Variants in MAGI1 observed in about 807,000 individuals in gnomAD.
MAGI1 encodes the protein membrane-associated guanylate kinase, WW and PDZ domain-containing protein 1.
In MAGI1, 58 loss-of-function variants were observed where a neutral mutation model predicts 139.9. That is an observed-to-expected ratio of 0.41 (90% CI 0.34 to 0.52). The LOEUF (loss-of-function observed/expected upper bound fraction) is 0.52. Ranked by LOEUF, MAGI1 falls within the 20% of genes least tolerant of loss-of-function variation. MAGI1 has a pLI of 0.12. For synonymous variants in MAGI1, 812 were observed against 737.9 expected, an observed-to-expected ratio of 1.10 and a Z score of -1.63; for missense variants, 1,874 against 1,901.6, an observed-to-expected ratio of 0.99 and a Z score of 0.27.
intron 18 of MAGI1, 186 bp from the exon 19 acceptor site, chr3:65,365,132 G>A (rs550398086): frequency 4.0e-6 from 3 of 752,352 alleles, no homozygotes; most frequent in Non-Finnish European, 7.3e-6. Context: ...TCTCTGATGT[G>A]GGTCATGTAT....
chr3:65,357,180 G>A, intron 22 of MAGI1, 48 bp from the exon 23 acceptor site: 1 of 1,551,126 alleles, frequency 6.4e-7, no homozygotes, highest in East Asian at 2.3e-5. Flanking sequence ...AAGGTCCCTC[G>A]GCTCCTGTCC....
intron 1 of MAGI1, among the ~76,000 whole-genome samples, chr3:65,964,854 C>G (rs180899719): frequency 6.6e-6 from 1 of 152,174 alleles, no homozygotes; most frequent in Non-Finnish European, 1.5e-5. Context: ...CCCCCAAGTC[C>G]AACAGATACA....
chr3:65,994,497 T>C (rs2066340918), intron 1 of MAGI1, among the ~76,000 whole-genome samples: 1 of 152,206 alleles, frequency 6.6e-6, no homozygotes, highest in Admixed American at 6.5e-5. Context: ...TAAAGACTTC[T>C]TGAATGTATC....
intron 1 of MAGI1, among the ~76,000 whole-genome samples, chr3:65,753,041 G>C (rs1205488612): frequency 6.6e-6 from 1 of 152,064 alleles, no homozygotes; most frequent in African/African-American, 2.4e-5. Context: ...TGACCATTTT[G>C]ACAAGTGTCA....
intron 2 of MAGI1, among the ~76,000 whole-genome samples, chr3:65,500,072 CACAA>C (rs1351151647): frequency 2.0e-5 from 3 of 152,200 alleles, no homozygotes; most frequent in Admixed American, 1.3e-4. Context: ...AGCTGAATCA[CACAA>C]ACAATGTTTC....
Position 65,710,269 on chromosome 3 carries a change from CTTTTTTTTTTTTTTTT to C in MAGI1, c.314-88197_314-88182del, listed in dbSNP as rs1175790063. Reference sequence around the variant, plus strand: ...TGAATCACTTATTAACCTTACATTTCTTTTTTTTTTTTTTTTTTTTTTTTTTTTGAGACAGAGTTTT... The same window carrying C: ...TGAATCACTTATTAACCTTACATTTCTTTTTTTTTTTTGAGACAGAGTTTT... On this transcript the variant is annotated intron_variant, in intron 1 of 22. Transcript: ENST00000402939. Among the ~76,000 whole-genome samples the C allele has an allele frequency of 9.0e-5, 6 of 66,906 alleles. No homozygotes were observed. In the South Asian group the frequency reaches 2.9e-3, roughly 32 times the overall value. 43.9% of individuals were successfully genotyped at this position (66,906 alleles called of 152,430 possible).
chr3:65,450,554 C>A (rs184496736), intron 6 of MAGI1, among the ~76,000 whole-genome samples: 22 of 152,238 alleles, frequency 1.4e-4, no homozygotes, highest in Non-Finnish European at 2.9e-4. Context: ...GGGGAAAGAT[C>A]ATCAGTTTTA....
intron 5 of MAGI1, among the ~76,000 whole-genome samples, chr3:65,461,550 G>C (rs182768218): frequency 6.8e-6 from 1 of 147,136 alleles, no homozygotes; most frequent in Non-Finnish European, 1.5e-5. Flanking sequence ...GAGTGGTGGC[G>C]TGATCTTGGC....
At chr3:65,497,149 C>T (rs1952515117) in intron 2 of MAGI1, among the ~76,000 whole-genome samples, 1 of 151,964 alleles carries the variant, frequency 6.6e-6, no homozygotes, top group Admixed American at 6.6e-5. Context: ...GGAATGTAAA[C>T]TTAATAATAA....
At chr3:66,016,634 A>C (rs2067655555) in intron 1 of MAGI1, among the ~76,000 whole-genome samples, 1 of 152,224 alleles carries the variant, frequency 6.6e-6, no homozygotes, top group Non-Finnish European at 1.5e-5. Flanking sequence ...GGCAAAACTG[A>C]GCAAGAAAGA....
chr3:65,808,956 T>A (rs2041046623), intron 1 of MAGI1, among the ~76,000 whole-genome samples: 1 of 151,998 alleles, frequency 6.6e-6, no homozygotes, highest in East Asian at 1.9e-4. Context: ...GGAAAGGAAA[T>A]AAGGGGAGAT....
intron 1 of MAGI1, among the ~76,000 whole-genome samples, chr3:65,968,994 AAAG>A (rs2064890327): frequency 1.3e-5 from 2 of 152,220 alleles, no homozygotes; most frequent in African/African-American, 2.4e-5. Flanking sequence ...GATACAATCA[AAAG>A]AAGGACTACG....
At chr3:65,493,355 T>C (rs1413463972) in intron 3 of MAGI1, among the ~76,000 whole-genome samples, 157 bp downstream of exon 3, 1 of 152,232 alleles carries the variant, frequency 6.6e-6, no homozygotes, top group East Asian at 1.9e-4. Context: ...CCTTATTCCA[T>C]AGACTTTGTC....
intron 1 of MAGI1, among the ~76,000 whole-genome samples, chr3:65,785,038 C>A (rs1370089830): frequency 6.6e-6 from 1 of 152,114 alleles, no homozygotes; most frequent in African/African-American, 2.4e-5. Flanking sequence ...TTAGATTATA[C>A]TGATAGTCGC....
chr3:65,861,637 G>A (rs923790206), intron 1 of MAGI1, among the ~76,000 whole-genome samples: 1 of 152,090 alleles, frequency 6.6e-6, no homozygotes, highest in African/African-American at 2.4e-5. Flanking sequence ...GTCCAAGGAG[G>A]CAATGAAAAG....
chr3:65,371,855 G>A (rs1388554706), intron 18 of MAGI1: 3 of 425,236 alleles, frequency 7.1e-6, no homozygotes, highest in East Asian at 7.6e-5. Context: ...TGAGATTACG[G>A]CAATTAAGTC....
intron 1 of MAGI1, chr3:65,688,259 C>A (rs1363291290): frequency 2.3e-6 from 2 of 853,576 alleles, no homozygotes; most frequent in Non-Finnish European, 3.9e-6. Context: ...TGGTCTGAAT[C>A]CTCTCACATG....
At position 66,038,266 on chromosome 3, in the gene MAGI1, C is replaced by A. The variant is rs528163276; in HGVS notation, c.43G>T (p.Val15Phe). 2 of 1,604,488 alleles carry A rather than the reference C, an allele frequency of 1.2e-6. No individual in the cohort carries two copies. Among genetic ancestry groups the A allele is most frequent in the South Asian group, 1.1e-5 (1 of 90,258 alleles). Residue 15 changes from valine (V) to phenylalanine (F), a missense_variant, in exon 1 of 23, where the codon GTT becomes TTT. Physicochemically the swap from Val to Phe is conservative, Grantham distance 50 (BLOSUM62 -1). This residue lies in a region of MAGI1 where 648 missense variants were observed against 598.1 expected (regional missense o/e 1.08). Coordinates refer to ENST00000402939, the MANE Select transcript of MAGI1 (RefSeq NM_001033057.2). Reference sequence around the variant, plus strand: ...CCCCGCTTCACGGTGCATTCGTGAACCCTGCTAGTCCAGTGGTTCTTCTTC... The same window carrying A: ...CCCCGCTTCACGGTGCATTCGTGAAACCTGCTAGTCCAGTGGTTCTTCTTC... ...IQKKNHWTSR[V>F]HECTVKRGPQ...
chr3:65,867,572 C>G (rs953601743), intron 1 of MAGI1, among the ~76,000 whole-genome samples: 5 of 151,960 alleles, frequency 3.3e-5, no homozygotes, highest in Non-Finnish European at 7.4e-5. Flanking sequence ...CTGATTCTAC[C>G]AAATAATTAA....
Sources: gnomAD v4.1 joint callset for allele counts (sites outside exome capture counted in the v4.1 genomes callset) on GRCh38, gnomAD v4.1.1 for gene constraint, gnomAD v4.1.1 regional missense constraint, MANE v1.5 for transcripts, NCBI Gene and HGNC (gene_info 2026-07-23, HGNC 2026-07-21) for gene names.